AUTS2: variants seen among roughly 807,000 people sequenced by gnomAD.
The protein encoded by AUTS2 is activator of transcription and developmental regulator AUTS2.
Under a neutral mutation model 112.4 loss-of-function variants are expected in AUTS2, and 17 were observed. That is an observed-to-expected ratio of 0.15 (90% CI 0.10 to 0.23). AUTS2 has a LOEUF of 0.23. Among genes scored for constraint, AUTS2 ranks in the 10% least tolerant of loss-of-function variants. AUTS2 has a pLI of 1.00. For missense variants in AUTS2, 1,510 were observed against 1,701.6 expected (o/e 0.89, Z 1.98); for synonymous variants, 751 against 702.7 (o/e 1.07, Z -1.09).
At chr7:70,330,366 C>G (rs1790686839) in intron 4 of AUTS2, among the ~76,000 whole-genome samples, 2 of 152,314 alleles carry the variant, frequency 1.3e-5, no homozygotes, top group Middle Eastern at 3.4e-3. Flanking sequence ...GTCTCAGCAT[C>G]ATCTGTTGAA....
intron 1 of AUTS2, among the ~76,000 whole-genome samples, chr7:69,671,486 G>GGTGTGTGT (rs201047003): frequency 1.0e-3 from 143 of 138,608 alleles, no homozygotes; most frequent in African/African-American, 3.3e-3. Flanking sequence ...TGCTGCTGCT[G>GGTGTGTGT]GTGTGTGTGT....
chr7:69,755,051 T>G (rs764800836), intron 1 of AUTS2, among the ~76,000 whole-genome samples: 16 of 152,144 alleles, frequency 1.1e-4, no homozygotes, highest in Non-Finnish European at 1.9e-4. Flanking sequence ...CACAATTAAT[T>G]GTTCAGCTGA....
At chr7:70,065,057 G>A (rs1011086660) in intron 2 of AUTS2, among the ~76,000 whole-genome samples, 2 of 152,176 alleles carry the variant, frequency 1.3e-5, no homozygotes, top group African/African-American at 4.8e-5. Flanking sequence ...TGAACAAACA[G>A]AGATGTGAAG....
At chr7:70,460,360 T>G (rs1796913044) in intron 5 of AUTS2, among the ~76,000 whole-genome samples, 2 of 142,200 alleles carry the variant, frequency 1.4e-5, no homozygotes, top group African/African-American at 5.3e-5. Flanking sequence ...TTTTTTTTTT[T>G]TTTTTTTGAG....
chr7:69,724,802 G>T (rs1786425615), intron 1 of AUTS2, among the ~76,000 whole-genome samples: 1 of 152,136 alleles, frequency 6.6e-6, no homozygotes, highest in Non-Finnish European at 1.5e-5. Flanking sequence ...ACCAGATAAA[G>T]GACCCTTAAT....
At chr7:70,121,743 GACGCAGCC>G (rs966646420) in intron 3 of AUTS2, among the ~76,000 whole-genome samples, 34 of 152,168 alleles carry the variant, frequency 2.2e-4, no homozygotes, top group Non-Finnish European at 1.5e-5. Flanking sequence ...AATGTAAAAT[GACGCAGCC>G]ACTGTAGAAA....
At chr7:69,666,699 C>G (rs529536540) in intron 1 of AUTS2, among the ~76,000 whole-genome samples, 1 of 152,074 alleles carries the variant, frequency 6.6e-6, no homozygotes, top group Non-Finnish European at 1.5e-5. Flanking sequence ...CTCAGGAGTT[C>G]CAGACCAGCC....
chr7:69,714,716 A>G (rs1798518092), intron 1 of AUTS2, among the ~76,000 whole-genome samples: 1 of 152,146 alleles, frequency 6.6e-6, no homozygotes, highest in African/African-American at 2.4e-5. Context: ...TAGAAATTTT[A>G]GAATCAGCTT....
At chr7:70,373,287 G>T (rs1792927226) in intron 4 of AUTS2, among the ~76,000 whole-genome samples, 1 of 152,012 alleles carries the variant, frequency 6.6e-6, no homozygotes, top group Non-Finnish European at 1.5e-5. Context: ...TTTCAGGGAG[G>T]TTTGTACAAT....
At chr7:70,772,987 A>C (rs1405137051) in intron 11 of AUTS2, among the ~76,000 whole-genome samples, 1 of 152,220 alleles carries the variant, frequency 6.6e-6, no homozygotes, top group East Asian at 1.9e-4. Flanking sequence ...AGAAAACTAC[A>C]TCTGGGCAAG....
intron 5 of AUTS2, among the ~76,000 whole-genome samples, chr7:70,542,424 A>G (rs1800589574): frequency 6.6e-6 from 1 of 152,220 alleles, no homozygotes; most frequent in Non-Finnish European, 1.5e-5. Flanking sequence ...TTTCCAGAGC[A>G]GAGACACTAC....
At chr7:70,717,005 T>C (rs1050731880) in intron 6 of AUTS2, among the ~76,000 whole-genome samples, 25 of 65,258 alleles carry the variant, frequency 3.8e-4, no homozygotes, top group Non-Finnish European at 6.7e-4. Context: ...TTTTTTTTTT[T>C]TTTTTTTTTA....
intron 2 of AUTS2, among the ~76,000 whole-genome samples, chr7:69,996,650 G>A (rs1413171729): frequency 3.3e-5 from 5 of 151,610 alleles, no homozygotes; most frequent in Admixed American, 1.3e-4. Flanking sequence ...CTTTCCTTCC[G>A]TTCCAAAGTT....
At chr7:69,720,442 A>G (rs1648930429) in intron 1 of AUTS2, among the ~76,000 whole-genome samples, 1 of 152,290 alleles carries the variant, frequency 6.6e-6, no homozygotes, top group South Asian at 2.1e-4. Context: ...TGTGTTCTCA[A>G]AGATTTGTGT....
intron 5 of AUTS2, among the ~76,000 whole-genome samples, chr7:70,687,066 T>A (rs1044534410): frequency 3.3e-5 from 5 of 152,134 alleles, no homozygotes; most frequent in Admixed American, 3.3e-4. Context: ...TGCCCCATGT[T>A]CATATGGAAA....
At chr7:70,174,414 T>G (rs957737444) in intron 4 of AUTS2, among the ~76,000 whole-genome samples, 5 of 152,218 alleles carry the variant, frequency 3.3e-5, no homozygotes, top group Non-Finnish European at 5.9e-5. Flanking sequence ...CAAGTGCTGA[T>G]GGAGTAGCTG....
intron 1 of AUTS2, among the ~76,000 whole-genome samples, chr7:69,600,950 A>T (rs1042528789): frequency 5.3e-5 from 8 of 151,018 alleles, no homozygotes; most frequent in Non-Finnish European, 1.5e-5. Context: ...TTTCAAATGC[A>T]CATTTTCCTT....
intron 5 of AUTS2, among the ~76,000 whole-genome samples, chr7:70,549,273 A>G (rs1287349418): frequency 1.3e-5 from 2 of 152,234 alleles, no homozygotes; most frequent in South Asian, 2.1e-4. Context: ...AAATTCCTTT[A>G]TCAGATTTTT....
intron 1 of AUTS2, among the ~76,000 whole-genome samples, chr7:69,764,710 C>G (rs778656945): frequency 3.3e-5 from 5 of 152,284 alleles, no homozygotes; most frequent in Middle Eastern, 3.4e-3. Context: ...CAGAAAATTG[C>G]ACTTCACTAT....
Sources: gnomAD v4.1 joint callset for allele counts (sites outside exome capture counted in the v4.1 genomes callset) on GRCh38, gnomAD v4.1.1 for gene constraint, MANE v1.5 for transcripts, NCBI Gene and HGNC (gene_info 2026-07-23, HGNC 2026-07-21) for gene names.